Variants in MVP observed in about 807,000 individuals in gnomAD.
The protein encoded by MVP is major vault protein, also known as lung resistance-related protein.
Under a neutral mutation model 83.5 loss-of-function variants are expected in MVP, and 62 were observed. The observed-to-expected ratio is 0.74, with a 90% CI of 0.61 to 0.92. MVP has a LOEUF of 0.92. Ranked by LOEUF, MVP falls within the 40% of genes least tolerant of loss-of-function variation. The pLI, the probability that MVP is intolerant of heterozygous loss-of-function variation, is 0.00. For missense variants in MVP, 1,000 were observed against 1,203.4 expected (o/e 0.83, Z 2.50); for synonymous variants, 505 against 504.1 (o/e 1.00, Z -0.02).
rs950167031 is a variant in MVP, at chr16:29,846,395, A to G, written c.2265+111A>G. The G allele has an allele frequency of 5.7e-6, 8 of 1,401,098 alleles. No homozygotes were observed. The East Asian group carries it at 2.1e-4, about 36-fold the overall frequency. The allele number at this position is 1,401,098 out of a possible 1,614,324, so 86.8% of individuals were successfully genotyped here. ...ACCAGGTCCCCCAACATAAAGCCCT[A>G]TCCAAGTACTTTGCATTTGCAAAGT... On this transcript the variant is annotated intron_variant, in intron 13 of 14. Coordinates refer to ENST00000357402, the MANE Select transcript of MVP (RefSeq NM_005115.5).
Position 29,844,761 on chromosome 16 carries a change from G to A in MVP, c.1903G>A (p.Val635Ile), listed in dbSNP as rs35916172. 3,217 of 1,611,852 alleles carry A rather than the reference G, an allele frequency of 2.0e-3. 67 individuals carry two copies. The African/African-American group carries it at 0.038, about 19-fold the overall frequency. The change falls in exon 11 of 15, where the codon GTC becomes ATC. Residue 635 changes from valine to isoleucine, a missense_variant. Transcript: ENST00000357402. ...TGTCTTCCCCCAAAACGGGCTGGTG[G>A]TCAGCAGTGTGGACGTGCAGTCAGT... Reference protein sequence around the residue: ...QAVFPQNGLVVSSVDVQSVEP... With the variant: ...QAVFPQNGLVISSVDVQSVEP...
At position 29,836,722 on chromosome 16, in the gene MVP, A is replaced by G. The variant is rs1484840631; in HGVS notation, c.673A>G (p.Thr225Ala). ...AAATACCCAACATGTTGCTCTGCAG[A>G]CAGCCCTGCACCTCCGGGCTCGGCG... Reference protein sequence around the residue: ...LVDAVILTEKTALHLRARRNF... With the variant: ...LVDAVILTEKAALHLRARRNF... The change falls in exon 7 of 15, where the codon ACA becomes GCA. Residue 225 changes from threonine to alanine, a missense_variant and splice_region_variant. Coordinates refer to ENST00000357402, the MANE Select transcript of MVP (RefSeq NM_005115.5). 2 of 1,567,574 alleles carry G rather than the reference A, an allele frequency of 1.3e-6. No individual in the cohort carries two copies. Among genetic ancestry groups the G allele is most frequent in the Non-Finnish European group, 1.7e-6 (2 of 1,152,284 alleles).
At chr16:29,836,631 G>A (rs1482001484) in intron 6 of MVP, 91 bp from the exon 7 acceptor site, 1 of 967,016 alleles carries the variant, frequency 1.0e-6, no homozygotes, top group African/African-American at 1.7e-5. Flanking sequence ...TGAGATCTGG[G>A]AGCATTGGGA....
intron 5 of MVP, chr16:29,834,367 T>C: frequency 2.7e-6 from 1 of 372,822 alleles, no homozygotes; most frequent in South Asian, 2.2e-5. Flanking sequence ...AAGAAGATGT[T>C]CAAATACAAT....
chr16:29,830,781 C>T (rs932254470), intron 2 of MVP, 97 bp from the exon 3 acceptor site: 21 of 1,569,448 alleles, frequency 1.3e-5, no homozygotes, highest in African/African-American at 8.1e-5. Flanking sequence ...GAGTGGCCCT[C>T]GCTTGGGCGA....
chr16:29,842,388 C>A (rs1406563900), intron 10 of MVP, among the ~76,000 whole-genome samples: 1 of 152,042 alleles, frequency 6.6e-6, no homozygotes. Flanking sequence ...TCACTGCAAC[C>A]CCCACCTCCC....
In MVP at chr16:29,830,974, G is replaced by A. The variant is rs1019047943; in HGVS notation, c.222G>A (p.Leu74=). ...PVSRDAQGLV[L]FDVTGQVRLR... ...CTCGGGATGCCCAGGGCTTGGTGCT[G>A]TTTGATGTCACAGGGCAAGTTCGGC... The change falls in exon 3 of 15, where the codon CTG becomes CTA. Residue 74 remains leucine, a synonymous_variant. Coordinates refer to ENST00000357402, the MANE Select transcript of MVP (RefSeq NM_005115.5). 4.3e-6 allele frequency: 7 copies of A among 1,613,946 alleles called. No homozygotes were observed. The highest frequency in any genetic ancestry group is 1.3e-5 in the African/African-American group (1 of 74,868).
rs779174594 is a variant in MVP at position 29,840,465 on chromosome 16, G to T, written c.1191+6G>T. The T allele has an allele frequency of 2.6e-5, 41 of 1,561,404 alleles. No individual in the cohort carries two copies. The highest frequency in any genetic ancestry group is 3.9e-5 in the Admixed American group (2 of 51,152). On this transcript the variant is annotated splice_donor_region_variant and intron_variant, in intron 8 of 14. Coordinates refer to ENST00000357402, the MANE Select transcript of MVP (RefSeq NM_005115.5). ...AGGATGTCAAGACCGGAAAGGTAATGGCTGGGAGTGAGCAGCAGTGCTGCC... is the reference window on the plus strand; with the variant it reads ...AGGATGTCAAGACCGGAAAGGTAATTGCTGGGAGTGAGCAGCAGTGCTGCC...
intron 11 of MVP, 142 bp downstream of exon 11, chr16:29,845,021 C>A: frequency 8.4e-7 from 1 of 1,197,458 alleles, no homozygotes; most frequent in Non-Finnish European, 1.1e-6. Context: ...GATCAGGTGA[C>A]CCACTTAAAA....
chr16:29,847,972 G>T lies in MVP; in HGVS notation c.2665G>T (p.Val889Leu). Reference protein sequence around the residue: ...APQAPGDNHVVPVLR With the variant: ...APQAPGDNHVLPVLR ...TCAAGCTCCTGGAGACAACCACGTGGTGCCTGTACTGCGCTAACTCCTGAT... is the reference window on the plus strand; with the variant it reads ...TCAAGCTCCTGGAGACAACCACGTGTTGCCTGTACTGCGCTAACTCCTGAT... The change falls in exon 15 of 15, where the codon GTG becomes TTG. Residue 889 changes from valine (V) to leucine (L), a missense_variant. Transcript: ENST00000357402. 6.2e-7 allele frequency: 1 copy of T among 1,608,726 alleles called. No individual in the cohort carries two copies. Among genetic ancestry groups the T allele is most frequent in the Non-Finnish European group, 8.5e-7 (1 of 1,178,606 alleles).
At chr16:29,831,237 A>G (rs1166471304) in intron 3 of MVP, among the ~76,000 whole-genome samples, 164 bp downstream of exon 3, 1 of 151,978 alleles carries the variant, frequency 6.6e-6, no homozygotes, top group African/African-American at 2.4e-5. Flanking sequence ...GCTCACTGGA[A>G]GCTCCACCTG....
chr16:29,843,558 G>GAGGA (rs2067554007), intron 10 of MVP, among the ~76,000 whole-genome samples: 5 of 66,660 alleles, frequency 7.5e-5, no homozygotes, highest in Non-Finnish European at 1.5e-4. Flanking sequence ...GGGAGGGAGG[G>GAGGA]AGGGAGGGAG....
chr16:29,832,165 G>A (rs1326156774), intron 3 of MVP, among the ~76,000 whole-genome samples: 3 of 152,138 alleles, frequency 2.0e-5, no homozygotes, highest in Admixed American at 6.6e-5. Context: ...AACTTTTAGA[G>A]ACATTCATGT....
Position 29,840,420 on chromosome 16 carries a change from G to T in MVP, c.1152G>T (p.Glu384Asp), listed in dbSNP as rs772820842. The T allele has an allele frequency of 1.3e-5, 21 of 1,581,558 alleles. No individual in the cohort carries two copies. Among genetic ancestry groups the T allele is most frequent in the Non-Finnish European group, 1.8e-5 (21 of 1,164,362 alleles). The change falls in exon 8 of 15, where the codon GAG (glutamate) becomes GAT (aspartate). Residue 384 changes from glutamate (E) to aspartate (D), a missense_variant. By Grantham distance (45) the Glu-to-Asp change is conservative (BLOSUM62 2). Coordinates refer to ENST00000357402, the MANE Select transcript of MVP (RefSeq NM_005115.5). ...VEERQAIPLD[E>D]NEGIYVQDVK... ...AGCGCCAGGCCATCCCTCTAGACGA[G>T]AACGAGGGCATCTATGTGCAGGATG...
intron 14 of MVP, 70 bp from the exon 15 acceptor site, chr16:29,847,690 CTT>C: frequency 6.8e-7 from 1 of 1,461,806 alleles, no homozygotes; most frequent in East Asian, 2.3e-5. Context: ...AACCAGCTGA[CTT>C]AAGGAGGGTC....
Position 29,846,173 on chromosome 16 carries a change from C to T in MVP, c.2154C>T (p.Ser718=). 2 of 1,610,924 alleles carry T rather than the reference C, an allele frequency of 1.2e-6. No individual in the cohort carries two copies. Among genetic ancestry groups the T allele is most frequent in the South Asian group, 1.1e-5 (1 of 90,588 alleles). ...ELEALSMAVE[S]TGTAKAEAES... ...TTCTCCCCAGCATGGCCGTGGAGAG[C>T]ACCGGGACTGCCAAGGCGGAGGCCG... Residue 718 remains serine (S), a synonymous_variant, in exon 13 of 15, where the codon AGC becomes AGT. Transcript: ENST00000357402.
Position 29,824,196 on chromosome 16 carries a change from C to A in MVP, c.-36+3686C>A, listed in dbSNP as rs575339809. Among the ~76,000 whole-genome samples, 164 of 101,856 alleles carry A rather than the reference C, an allele frequency of 1.6e-3. 1 individual carries two copies. The highest frequency in any genetic ancestry group is 6.1e-3 in the African/African-American group (153 of 25,134). The allele number at this position is 101,856 out of a possible 152,430, so 66.8% of individuals were successfully genotyped here. Reference sequence around the variant, plus strand: ...GCTACACTCCAGTCTGGGCAACAAGCACGAAACTCCATCTCAAAAAAAAAA... The same window carrying A: ...GCTACACTCCAGTCTGGGCAACAAGAACGAAACTCCATCTCAAAAAAAAAA... On this transcript the variant is annotated intron_variant, in intron 1 of 14. Transcript: ENST00000357402.
Position 29,840,417 on chromosome 16 carries a change from C to CGA in MVP, c.1152_1153dup (p.Asn385ArgfsTer18). 1 of 1,583,000 alleles carries CGA rather than the reference C, an allele frequency of 6.3e-7. No homozygotes were observed. Among genetic ancestry groups the CGA allele is most frequent in the Non-Finnish European group, 8.6e-7 (1 of 1,165,184 alleles). On this transcript the variant is annotated frameshift_variant, in exon 8 of 15. Transcript: ENST00000357402. LOFTEE classifies it high-confidence loss of function. ...AGGAGCGCCAGGCCATCCCTCTAGA[C>CGA]GAGAACGAGGGCATCTATGTGCAGG...
intron 7 of MVP, among the ~76,000 whole-genome samples, chr16:29,838,160 A>AT (rs1292077826): frequency 6.6e-6 from 1 of 152,164 alleles, no homozygotes; most frequent in Non-Finnish European, 1.5e-5. Context: ...TAGGCCAGGC[A>AT]TGGTGGCTTA....
Sources: gnomAD v4.1 joint callset for allele counts (sites outside exome capture counted in the v4.1 genomes callset) on GRCh38, gnomAD v4.1.1 for gene constraint, MANE v1.5 for transcripts, NCBI Gene and HGNC (gene_info 2026-07-23, HGNC 2026-07-21) for gene names.